The following ZNF713 variants were observed in gnomAD, a reference collection of about 807,000 sequenced individuals.
The protein encoded by ZNF713 is zinc finger protein 713.
In ZNF713, 21 loss-of-function variants were observed where a neutral mutation model predicts 28.7. That is an observed-to-expected ratio of 0.73 (90% CI 0.52 to 1.05). The LOEUF (loss-of-function observed/expected upper bound fraction) is 1.05. Among genes scored for constraint, ZNF713 ranks in the 50% least tolerant of loss-of-function variants. The pLI, the probability that ZNF713 is intolerant of heterozygous loss-of-function variation, is 0.00. For missense variants in ZNF713, 458 were observed against 532.4 expected (o/e 0.86, Z 1.37); for synonymous variants, 167 against 178.0 (o/e 0.94, Z 0.49).
intron 1 of ZNF713, among the ~76,000 whole-genome samples, chr7:55,904,463 TAAAAAAAAAAAAAA>T (rs71015118): frequency 1.2e-4 from 5 of 41,292 alleles, no homozygotes; most frequent in Non-Finnish European, 1.9e-4. Context: ...ACTGTATCTT[TAAAAAAAAAAAAAA>T]AAAAAAAAAA....
chr7:55,895,948 C>T (rs1478190304), intron 1 of ZNF713, among the ~76,000 whole-genome samples: 2 of 152,102 alleles, frequency 1.3e-5, no homozygotes, highest in Admixed American at 1.3e-4. Context: ...GGAATCCAAC[C>T]CATATGGTTT....
chr7:55,893,650 G>T (rs1785426579), intron 1 of ZNF713, among the ~76,000 whole-genome samples: 1 of 152,050 alleles, frequency 6.6e-6, no homozygotes, highest in Admixed American at 6.6e-5. Context: ...CGCGATCTTG[G>T]CTCACTGCAA....
intron 1 of ZNF713, among the ~76,000 whole-genome samples, chr7:55,889,353 C>T (rs111843405): frequency 0.15 from 22,686 of 152,092 alleles, 1,897 homozygotes; most frequent in Non-Finnish European, 0.18. Flanking sequence ...CCGCCCACCT[C>T]GGCCTCCCAA....
chr7:55,901,003 A>C lies in ZNF713; in HGVS notation c.-582-5250A>C, dbSNP rs371674311. The stretch of plus-strand genomic sequence containing the variant: ...CATTGTATATTTCAAAATTACTAAA[A>C]GAGTAGATTTTAAATGTTTTCACCA... On this transcript the variant is annotated intron_variant, in intron 1 of 6. Coordinates refer to ENST00000429591, the MANE Select transcript of ZNF713 (RefSeq NM_182633.3). Among the ~76,000 whole-genome samples the C allele has an allele frequency of 2.6e-5, 4 of 152,320 alleles. No homozygotes were observed. In the East Asian group the frequency reaches 7.7e-4, roughly 29 times the overall value.
intron 1 of ZNF713, among the ~76,000 whole-genome samples, chr7:55,891,621 C>T (rs1429138969): frequency 6.6e-6 from 1 of 151,968 alleles, no homozygotes; most frequent in Non-Finnish European, 1.5e-5. Context: ...TGAGCCCAGG[C>T]GTTTGAGGCT....
chr7:55,926,779 A>T (rs1156434913), intron 6 of ZNF713, among the ~76,000 whole-genome samples: 1 of 152,212 alleles, frequency 6.6e-6, no homozygotes, highest in Admixed American at 6.5e-5. Context: ...TGCATGAACA[A>T]CGGGGAGGTT....
intron 6 of ZNF713, among the ~76,000 whole-genome samples, chr7:55,930,720 C>T (rs1294566489): frequency 3.3e-5 from 5 of 152,022 alleles, no homozygotes; most frequent in Admixed American, 2.6e-4. Flanking sequence ...AAGCCGAGAT[C>T]GTGCTACTCG....
chr7:55,931,451 AAATT>A (rs1296684502), intron 6 of ZNF713, among the ~76,000 whole-genome samples: 2 of 152,198 alleles, frequency 1.3e-5, no homozygotes, highest in African/African-American at 4.8e-5. Context: ...ACGCATTTTT[AAATT>A]AATAAGAGAA....
intron 1 of ZNF713, among the ~76,000 whole-genome samples, chr7:55,896,593 G>A (rs1785476415): frequency 7.6e-6 from 1 of 130,852 alleles, no homozygotes; most frequent in African/African-American, 2.7e-5. Flanking sequence ...ATATGTGTGT[G>A]TGTGTGTGTA....
chr7:55,909,360 T>A (rs1206377033), intron 2 of ZNF713, among the ~76,000 whole-genome samples: 7 of 152,218 alleles, frequency 4.6e-5, no homozygotes, highest in Non-Finnish European at 7.3e-5. Context: ...GTGGCTTTAC[T>A]CATATATGGA....
intron 1 of ZNF713, among the ~76,000 whole-genome samples, chr7:55,894,697 T>A (rs1390483803): frequency 3.3e-5 from 5 of 152,210 alleles, no homozygotes; most frequent in African/African-American, 1.2e-4. Flanking sequence ...TAACAGTGTT[T>A]GCTGTTGTCT....
intron 6 of ZNF713, among the ~76,000 whole-genome samples, chr7:55,930,747 C>T (rs1040914080): frequency 1.6e-4 from 25 of 152,080 alleles, no homozygotes; most frequent in Non-Finnish European, 3.1e-4. Flanking sequence ...GCCTGGGCAA[C>T]AGAGACTGTC....
intron 1 of ZNF713, among the ~76,000 whole-genome samples, chr7:55,896,654 G>C (rs1264694882): frequency 6.6e-6 from 1 of 150,874 alleles, no homozygotes; most frequent in African/African-American, 2.4e-5. Flanking sequence ...GTATATACAT[G>C]GTTAGTGTGT....
chr7:55,933,798 G>A (rs752274007), intron 6 of ZNF713, among the ~76,000 whole-genome samples: 21 of 152,086 alleles, frequency 1.4e-4, no homozygotes, highest in Non-Finnish European at 2.2e-4. Flanking sequence ...TCTGCCTCCC[G>A]GGCCCAAGCA....
chr7:55,920,337 G>A (rs1785970910), intron 4 of ZNF713, among the ~76,000 whole-genome samples: 1 of 152,242 alleles, frequency 6.6e-6, no homozygotes, highest in South Asian at 2.1e-4. Flanking sequence ...CAAAGGAAAA[G>A]CTATTGAAGA....
At chr7:55,914,887 C>T (rs541293533) in intron 4 of ZNF713, among the ~76,000 whole-genome samples, 2 of 152,148 alleles carry the variant, frequency 1.3e-5, no homozygotes, top group Non-Finnish European at 2.9e-5. Context: ...CAGAGACTTA[C>T]TGTGTCACCC....
chr7:55,925,586 ACTTCAGCCTGG>A (rs1786082051), intron 6 of ZNF713, among the ~76,000 whole-genome samples: 2 of 152,154 alleles, frequency 1.3e-5, no homozygotes, highest in South Asian at 4.1e-4. Flanking sequence ...GCACCACTGC[ACTTCAGCCTGG>A]CAACAGAGCA....
At chr7:55,927,678 C>G (rs1786126703) in intron 6 of ZNF713, among the ~76,000 whole-genome samples, 1 of 151,890 alleles carries the variant, frequency 6.6e-6, no homozygotes, top group Non-Finnish European at 1.5e-5. Context: ...GGACGGATCA[C>G]TTGAGGTCAG....
At chr7:55,936,157 C>T (rs181599564) in intron 6 of ZNF713, among the ~76,000 whole-genome samples, 98 of 149,958 alleles carry the variant, frequency 6.5e-4, no homozygotes, top group Non-Finnish European at 1.1e-3. Context: ...CCCAGCTACT[C>T]GGGAGGCTGA....
Sources: allele counts gnomAD v4.1 joint callset (sites outside exome capture counted in the v4.1 genomes callset), GRCh38; gene constraint gnomAD v4.1.1; transcripts MANE v1.5; gene names NCBI Gene and HGNC (gene_info 2026-07-23, HGNC 2026-07-21).